NWD1: variants seen among roughly 807,000 people sequenced by gnomAD.
NWD1 encodes the protein NACHT and WD repeat domain containing 1, also known as NACHT domain- and WD repeat-containing protein 1.
A neutral mutation model predicts 135.1 loss-of-function variants in NWD1; 129 were observed. The ratio of observed to expected loss-of-function variants is 0.96; its 90% confidence interval spans 0.83 to 1.11. The LOEUF (loss-of-function observed/expected upper bound fraction) is 1.11, where lower values mean the gene tolerates loss of function less well. Ranked by LOEUF, NWD1 falls within the 50% of genes least tolerant of loss-of-function variation. The pLI is 0.00. For missense variants in NWD1, 1,740 were observed against 1,851.3 expected (o/e 0.94, Z 1.10); for synonymous variants, 773 against 786.0 (o/e 0.98, Z 0.28).
chr19:16,793,131 A>G lies in NWD1; in HGVS notation c.3214-1332A>G, dbSNP rs984436759. 2.6e-5 allele frequency among the ~76,000 whole-genome samples: 4 copies of G among 152,132 alleles called. No homozygotes were observed. In the East Asian group the frequency reaches 7.7e-4, roughly 29 times the overall value. On this transcript the variant is annotated intron_variant, in intron 14 of 18. Transcript: ENST00000524140. ...CCAAAGCTCCACATTTCTGAACCTCATGACCTGTGGTCTTCATGAGTTCTC... is the reference window on the plus strand; with the variant it reads ...CCAAAGCTCCACATTTCTGAACCTCGTGACCTGTGGTCTTCATGAGTTCTC...
chr19:16,743,776 G>A (rs535579128), intron 4 of NWD1, among the ~76,000 whole-genome samples: 1 of 151,878 alleles, frequency 6.6e-6, no homozygotes, highest in East Asian at 1.9e-4. Flanking sequence ...TCCCTCTCCC[G>A]GGTTCAAGCA....
At chr19:16,791,302 G>C in intron 13 of NWD1, 48 bp from the exon 14 acceptor site, 1 of 1,576,552 alleles carries the variant, frequency 6.3e-7, no homozygotes, top group Non-Finnish European at 8.7e-7. Context: ...GAAACTTGTA[G>C]TCTAGGTCTC....
chr19:16,741,770 A>G (rs1456999709), intron 4 of NWD1, among the ~76,000 whole-genome samples: 3 of 152,064 alleles, frequency 2.0e-5, no homozygotes, highest in Admixed American at 6.6e-5. Context: ...AACAGCTGCC[A>G]TTTGACCTTG....
Position 16,773,266 on chromosome 19 carries a change from G to A in NWD1, c.2551G>A (p.Gly851Arg), listed in dbSNP as rs770639641. Residue 851 changes from glycine to arginine, a missense_variant, in exon 11 of 19, where the codon GGA becomes AGA. Gly to Arg is a moderately radical substitution (Grantham distance 125). Transcript: ENST00000524140. The stretch of plus-strand genomic sequence containing the variant: ...ACACCCTGTGCTGGTGCCCCTCGGA[G>A]GATTCCTCCAGCCCCCGGGAGGACC... Reference protein sequence around the residue: ...CAHPVLVPLGGFLQPPGGPLR... With the variant: ...CAHPVLVPLGRFLQPPGGPLR... The A allele has an allele frequency of 1.9e-6, 3 of 1,613,576 alleles. No homozygotes were observed. In the East Asian group the frequency reaches 6.7e-5, roughly 36 times the overall value.
intron 1 of NWD1, among the ~76,000 whole-genome samples, chr19:16,720,925 A>T (rs1205028736): frequency 6.6e-6 from 1 of 151,952 alleles, no homozygotes; most frequent in Admixed American, 6.6e-5. Context: ...ATCTCGGCTC[A>T]CTGCAACCTC....
chr19:16,807,354 G>A (rs962065518), intron 17 of NWD1, among the ~76,000 whole-genome samples: 8 of 151,970 alleles, frequency 5.3e-5, no homozygotes, highest in Non-Finnish European at 8.8e-5. Context: ...TTAGCTGGGC[G>A]TGGTGGCACA....
chr19:16,798,143 A>C (rs1440871122), intron 16 of NWD1, among the ~76,000 whole-genome samples: 2 of 152,102 alleles, frequency 1.3e-5, no homozygotes, highest in African/African-American at 4.8e-5. Flanking sequence ...GTGCCTTCAG[A>C]GTGGAGCAGG....
At chr19:16,779,787 C>T (rs1475557544) in intron 12 of NWD1, among the ~76,000 whole-genome samples, 2 of 152,088 alleles carry the variant, frequency 1.3e-5, no homozygotes, top group Non-Finnish European at 2.9e-5. Context: ...CAAGCACATA[C>T]CACTATACCC....
intron 7 of NWD1, among the ~76,000 whole-genome samples, chr19:16,761,364 CT>C (rs1439223394): frequency 6.6e-6 from 1 of 151,426 alleles, no homozygotes. Context: ...TTCTTTCTTT[CT>C]TTCCTTCTTT....
intron 13 of NWD1, 70 bp from the exon 14 acceptor site, chr19:16,791,280 A>G (rs572168737): frequency 2.6e-4 from 369 of 1,404,172 alleles, no homozygotes; most frequent in Non-Finnish European, 3.4e-4. Flanking sequence ...GGCATCTTGC[A>G]TTTGACTCCG....
At chr19:16,794,608 A>T in intron 15 of NWD1, 55 bp downstream of exon 15, 1 of 1,237,368 alleles carries the variant, frequency 8.1e-7, no homozygotes, top group Non-Finnish European at 1.2e-6. Flanking sequence ...ATCAGGTTGG[A>T]GAAGGGGGTG....
intron 12 of NWD1, among the ~76,000 whole-genome samples, chr19:16,787,873 T>A (rs943501612): frequency 1.1e-5 from 1 of 91,474 alleles, no homozygotes; most frequent in Non-Finnish European, 2.1e-5. Context: ...ATAGTAATAA[T>A]AACAATAATA....
chr19:16,778,134 G>A (rs541945236), intron 11 of NWD1, among the ~76,000 whole-genome samples: 3 of 152,164 alleles, frequency 2.0e-5, no homozygotes, highest in South Asian at 4.2e-4. Context: ...AGAGCTTGAC[G>A]GGCTCTGATT....
At chr19:16,776,578 A>T (rs1005068504) in intron 11 of NWD1, among the ~76,000 whole-genome samples, 3 of 151,126 alleles carry the variant, frequency 2.0e-5, no homozygotes, top group South Asian at 2.1e-4. Context: ...ACAAAAAAAA[A>T]AAAAATGAAA....
chr19:16,734,800 G>A (rs1243121933), intron 3 of NWD1, among the ~76,000 whole-genome samples: 1 of 151,574 alleles, frequency 6.6e-6, no homozygotes, highest in African/African-American at 2.4e-5. Flanking sequence ...TGTTCAGGCT[G>A]GTCTCAAACT....
intron 10 of NWD1, 26 bp downstream of exon 10, chr19:16,765,218 G>C (rs926110651): frequency 1.2e-6 from 2 of 1,611,358 alleles, no homozygotes; most frequent in Non-Finnish European, 1.7e-6. Context: ...CTGGATAGGA[G>C]TGACCAGGAC....
intron 14 of NWD1, among the ~76,000 whole-genome samples, chr19:16,794,120 C>A (rs1047713308): frequency 1.3e-5 from 2 of 151,976 alleles, no homozygotes; most frequent in Admixed American, 6.6e-5. Context: ...AATCCCAGCA[C>A]TTTGGGAGGC....
At chr19:16,739,699 G>A (rs1298599662) in intron 4 of NWD1, among the ~76,000 whole-genome samples, 3 of 152,134 alleles carry the variant, frequency 2.0e-5, no homozygotes, top group African/African-American at 7.2e-5. Flanking sequence ...CCCTTGGAGA[G>A]GTGTCTCTCT....
chr19:16,731,751 C>T (rs1377081850), intron 3 of NWD1, among the ~76,000 whole-genome samples: 1 of 150,306 alleles, frequency 6.7e-6, no homozygotes, highest in Admixed American at 6.7e-5. Flanking sequence ...ATTACAGGTG[C>T]CCGCCACCAC....
Sources: allele counts gnomAD v4.1 joint callset (sites outside exome capture counted in the v4.1 genomes callset), GRCh38; gene constraint gnomAD v4.1.1; transcripts MANE v1.5; gene names NCBI Gene and HGNC (gene_info 2026-07-23, HGNC 2026-07-21).